The following CPT1A variants were observed in gnomAD, a reference collection of about 807,000 sequenced individuals.
CPT1A encodes the protein carnitine palmitoyltransferase 1A.
CPT1A carries 64 observed loss-of-function variants against 100.8 expected under a neutral mutation model. That is an observed-to-expected ratio of 0.63 (90% confidence interval 0.52 to 0.78). The LOEUF is 0.78. CPT1A is among the 30% of genes least tolerant of loss of function. The pLI, the probability that CPT1A is intolerant of heterozygous loss-of-function variation, is 0.00. For synonymous variants in CPT1A, 363 were observed against 396.0 expected, an observed-to-expected ratio of 0.92 and a Z score of 0.99; for missense variants, 802 against 1,034.1, an observed-to-expected ratio of 0.78 and a Z score of 3.08.
intron 1 of CPT1A, among the ~76,000 whole-genome samples, chr11:68,816,551 C>G (rs569457232): frequency 2.0e-5 from 3 of 152,186 alleles, no homozygotes; most frequent in African/African-American, 4.8e-5. Context: ...CTCCGGCCGC[C>G]TTCCTTCAGG....
At chr11:68,782,828 A>C (rs866684498) in intron 10 of CPT1A, among the ~76,000 whole-genome samples, 1 of 152,172 alleles carries the variant, frequency 6.6e-6, no homozygotes, top group Non-Finnish European at 1.5e-5. Context: ...CGGGGAACAA[A>C]GGTGACGCTG....
Position 68,830,415 on chromosome 11 carries a change from A to C in CPT1A, c.-14+11360T>G, listed in dbSNP as rs116710831. Among the ~76,000 whole-genome samples, 563 of 152,302 alleles carry C rather than the reference A, an allele frequency of 3.7e-3. 5 individuals carry two copies. The highest frequency in any genetic ancestry group is 0.013 in the African/African-American group (523 of 41,586). Reference sequence around the variant, plus strand: ...GTGCCCACCAACTCCCAGGTGGAGCATGGGAGCCAGGCCACATGCCATCCT... The same window carrying C: ...GTGCCCACCAACTCCCAGGTGGAGCCTGGGAGCCAGGCCACATGCCATCCT... On this transcript the variant is annotated intron_variant, in intron 1 of 18. Transcript: ENST00000265641.
chr11:68,770,877 G>C (rs547807355), intron 14 of CPT1A, among the ~76,000 whole-genome samples: 1 of 152,288 alleles, frequency 6.6e-6, no homozygotes, highest in Admixed American at 6.5e-5. Context: ...ACAGGTTCTC[G>C]AACAAGCCTG....
At chr11:68,824,248 CAAAAAAA>C (rs34276531) in intron 1 of CPT1A, among the ~76,000 whole-genome samples, 1 of 69,120 alleles carries the variant, frequency 1.4e-5, no homozygotes, top group Non-Finnish European at 3.3e-5. Context: ...AGCTCCATCT[CAAAAAAA>C]AAAAAAAAAA....
At chr11:68,760,088 T>C in intron 17 of CPT1A, 137 bp downstream of exon 17, 1 of 692,634 alleles carries the variant, frequency 1.4e-6, no homozygotes, top group Non-Finnish European at 2.6e-6. Flanking sequence ...TCCATAGCAA[T>C]GATCAGCAGT....
At chr11:68,793,668 C>A (rs1293148083) in intron 8 of CPT1A, among the ~76,000 whole-genome samples, 1 of 151,624 alleles carries the variant, frequency 6.6e-6, no homozygotes, top group African/African-American at 2.4e-5. Flanking sequence ...ATGGCATGAA[C>A]CCGGGAGGCA....
chr11:68,842,103 G>T (rs951171175), upstream of CPT1A, among the ~76,000 whole-genome samples: 1 of 152,088 alleles, frequency 6.6e-6, no homozygotes, highest in Admixed American at 6.5e-5. Context: ...CTCACCCTCC[G>T]AGCCTCAGTT....
chr11:68,816,289 C>T (rs1293738998), intron 1 of CPT1A, among the ~76,000 whole-genome samples: 1 of 152,172 alleles, frequency 6.6e-6, no homozygotes, highest in Non-Finnish European at 1.5e-5. Context: ...TCTAGGGTTT[C>T]GGAGAGACCC....
At chr11:68,763,764 C>T (rs1007901859) in intron 14 of CPT1A, among the ~76,000 whole-genome samples, 4 of 152,122 alleles carry the variant, frequency 2.6e-5, no homozygotes, top group African/African-American at 7.2e-5. Context: ...TGGCCCACTG[C>T]GGTCAGCGCT....
chr11:68,817,753 G>C (rs1313047274), intron 1 of CPT1A, among the ~76,000 whole-genome samples: 1 of 149,092 alleles, frequency 6.7e-6, no homozygotes, highest in Non-Finnish European at 1.5e-5. Context: ...AGGCTGTTGG[G>C]GGGGGGTCAG....
intron 6 of CPT1A, among the ~76,000 whole-genome samples, chr11:68,797,802 AC>A (rs1855792823): frequency 6.6e-6 from 1 of 151,428 alleles, no homozygotes; most frequent in African/African-American, 2.4e-5. Context: ...ACATGATGAA[AC>A]CCCGTCTGTA....
intron 5 of CPT1A, among the ~76,000 whole-genome samples, chr11:68,803,042 A>T (rs970116994): frequency 5.9e-5 from 9 of 152,316 alleles, no homozygotes; most frequent in African/African-American, 2.2e-4. Context: ...CTGTCCTCAG[A>T]CCGGCTAGAA....
chr11:68,803,645 A>T (rs1411784521), intron 5 of CPT1A, among the ~76,000 whole-genome samples: 4 of 151,972 alleles, frequency 2.6e-5, no homozygotes, highest in Non-Finnish European at 5.9e-5. Flanking sequence ...TGGGAGGCGG[A>T]GGTTGCAGTG....
chr11:68,770,494 T>C (rs539923164), intron 14 of CPT1A, among the ~76,000 whole-genome samples: 9 of 152,198 alleles, frequency 5.9e-5, no homozygotes, highest in African/African-American at 1.9e-4. Flanking sequence ...CACTTTTACT[T>C]TGAAGCAGTA....
Position 68,815,427 on chromosome 11 carries a change from C to T in CPT1A, c.48G>A (p.Pro16=), listed in dbSNP as rs756237180. 12 of 1,613,902 alleles carry T rather than the reference C, an allele frequency of 7.4e-6. No homozygotes were observed. The highest frequency in any genetic ancestry group is 1.7e-5 in the Admixed American group (1 of 60,014). Residue 16 remains proline, a synonymous_variant, in exon 2 of 19, where the codon CCG becomes CCA. Coordinates refer to ENST00000265641, the MANE Select transcript of CPT1A (RefSeq NM_001876.4). ...QAVAFQFTVT[P]DGIDLRLSHE... is the part of the protein sequence containing the mutation. Reference sequence around the variant, plus strand: ...GGCTCAGCCGCAGGTCAATCCCGTCCGGAGTGACCGTGAACTGAAAGGCCA... The same window carrying T: ...GGCTCAGCCGCAGGTCAATCCCGTCTGGAGTGACCGTGAACTGAAAGGCCA...
chr11:68,812,703 G>T, intron 2 of CPT1A, 127 bp from the exon 3 acceptor site: 1 of 1,081,266 alleles, frequency 9.2e-7, no homozygotes, highest in Non-Finnish European at 1.4e-6. Context: ...GACAGCGTGC[G>T]TGCACTGAGA....
chr11:68,769,269 C>A (rs1854915347), intron 14 of CPT1A, among the ~76,000 whole-genome samples: 1 of 152,110 alleles, frequency 6.6e-6, no homozygotes, highest in Non-Finnish European at 1.5e-5. Context: ...GATAGGGTCT[C>A]ACTGTCATCC....
At chr11:68,777,040 A>T (rs977098260) in intron 12 of CPT1A, among the ~76,000 whole-genome samples, 5 of 152,218 alleles carry the variant, frequency 3.3e-5, no homozygotes, top group African/African-American at 1.2e-4. Context: ...GTCACAATCC[A>T]GGCTGACCTG....
At chr11:68,805,365 C>T (rs1055297357) in intron 4 of CPT1A, among the ~76,000 whole-genome samples, 4 of 151,786 alleles carry the variant, frequency 2.6e-5, no homozygotes, top group Non-Finnish European at 4.4e-5. Flanking sequence ...GTGAGAGAAT[C>T]GCTTGAGCCC....
Sources: gnomAD v4.1 joint callset for allele counts (sites outside exome capture counted in the v4.1 genomes callset) on GRCh38, gnomAD v4.1.1 for gene constraint, MANE v1.5 for transcripts, NCBI Gene and HGNC (gene_info 2026-07-23, HGNC 2026-07-21) for gene names.